The following CACNA1C variants were observed in gnomAD, a reference collection of about 807,000 sequenced individuals.
The protein encoded by CACNA1C is voltage-dependent L-type calcium channel subunit alpha-1C.
CACNA1C carries 30 observed loss-of-function variants against 229.0 expected under a neutral mutation model. The observed-to-expected ratio is 0.13, with a 90% confidence interval of 0.10 to 0.18. CACNA1C has a LOEUF of 0.18. Among genes scored for constraint, CACNA1C ranks in the 10% least tolerant of loss-of-function variants. CACNA1C has a pLI of 1.00. For synonymous variants in CACNA1C, 1,114 were observed against 1,132.5 expected (o/e 0.98, Z 0.33); for missense variants, 1,658 against 2,845.0 (o/e 0.58, Z 9.49).
At chr12:2,611,452 G>C (rs1431314490) in intron 28 of CACNA1C, among the ~76,000 whole-genome samples, 1 of 149,458 alleles carries the variant, frequency 6.7e-6, no homozygotes, top group East Asian at 2.0e-4. Context: ...GAGAAGGGAG[G>C]GGAGGAGATG....
intron 3 of CACNA1C, among the ~76,000 whole-genome samples, chr12:2,210,878 C>A (rs2097899695): frequency 6.6e-6 from 1 of 152,112 alleles, no homozygotes; most frequent in African/African-American, 2.4e-5. Context: ...TAACTCCTTT[C>A]CAATTGAATC....
intron 5 of CACNA1C, among the ~76,000 whole-genome samples, chr12:2,465,904 G>A (rs144315177): frequency 1.6e-4 from 25 of 152,144 alleles, no homozygotes; most frequent in Non-Finnish European, 2.8e-4. Flanking sequence ...TGTCCTGAGC[G>A]CCCTGCCAGA....
At position 2,605,624 on chromosome 12, in the gene CACNA1C, A is replaced by G; in HGVS notation, c.3049-55A>G. 7.5e-7 allele frequency: 1 copy of G among 1,330,686 alleles called. No homozygotes were observed. Among genetic ancestry groups the G allele is most frequent in the South Asian group, 1.2e-5 (1 of 84,820 alleles). The allele number at this position is 1,330,686 out of a possible 1,614,324, so 82.4% of individuals were successfully genotyped here. A position where few individuals can be genotyped will look rare whatever the true frequency, so the allele number is the denominator to read the frequency against. On this transcript the variant is annotated intron_variant, in intron 23 of 46. Transcript: ENST00000399655. This position sits in a 1 kb window ranked among gnomAD's most constrained non-coding sequence, Gnocchi z 6.2. ...GGGCTGCCCCTGCTACCTCCTGGAAAGGCTCCTGGCATCTCCTGAAGCCAC... is the reference window on the plus strand; with the variant it reads ...GGGCTGCCCCTGCTACCTCCTGGAAGGGCTCCTGGCATCTCCTGAAGCCAC...
intron 3 of CACNA1C, among the ~76,000 whole-genome samples, chr12:2,389,539 T>G (rs1490414317): frequency 1.3e-5 from 2 of 152,240 alleles, no homozygotes; most frequent in African/African-American, 4.8e-5. Context: ...GAGAGCATCC[T>G]TTTAATGTGA....
At chr12:2,235,100 C>T (rs2066821933) in intron 3 of CACNA1C, among the ~76,000 whole-genome samples, 1 of 152,192 alleles carries the variant, frequency 6.6e-6, no homozygotes, top group Non-Finnish European at 1.5e-5. Flanking sequence ...CTTCCATTTC[C>T]AGTGTCTCTA....
intron 18 of CACNA1C, among the ~76,000 whole-genome samples, chr12:2,589,104 A>G (rs2063912263): frequency 6.6e-6 from 1 of 152,128 alleles, no homozygotes. Flanking sequence ...GGAACCTTGT[A>G]GATATTCATG....
rs746344645 is a variant in CACNA1C at position 2,608,742 on chromosome 12, C to T, written c.3558+30C>T. On this transcript the variant is annotated intron_variant, in intron 27 of 46. Coordinates refer to ENST00000399655, the MANE Select transcript of CACNA1C (RefSeq NM_000719.7). This position sits in a 1 kb window ranked among gnomAD's most constrained non-coding sequence, Gnocchi z 4.2. ...CTTCCTAGGAAGGAGCGGAGGGAAG[C>T]GGGGCCCACGGAGGGAATGGCAGCC... 5.0e-6 allele frequency: 8 copies of T among 1,609,124 alleles called. No individual in the cohort carries two copies. Among genetic ancestry groups the T allele is most frequent in the South Asian group, 4.4e-5 (4 of 90,418 alleles).
chr12:2,595,886 G>C lies in CACNA1C; in HGVS notation c.2676G>C (p.Gln892His), dbSNP rs745733994. ...CTCTCCCGTACAGGTTTCGCCTCCA[G>C]TGCCACCGCATTGTCAATGACACGA... is the stretch of plus-strand genomic sequence containing the variant. ...IFSSNNRFRL[Q>H]CHRIVNDTIF... The change falls in exon 20 of 47, where the codon CAG becomes CAC. Residue 892 changes from glutamine (Q) to histidine (H), a missense_variant. Physicochemically the swap from Gln to His is conservative, Grantham distance 24. This residue lies in a region of CACNA1C where 52 missense variants were observed against 99.0 expected (regional missense o/e 0.53). Transcript: ENST00000399655. The surrounding 1 kb of genome is among the most constrained non-coding windows in gnomAD (Gnocchi z 4.1). 6.2e-7 allele frequency: 1 copy of C among 1,613,490 alleles called. No homozygotes were observed. The highest frequency in any genetic ancestry group is 1.1e-5 in the South Asian group (1 of 91,030).
At chr12:2,021,414 C>T (rs1250671604) in intron 1 of CACNA1C, among the ~76,000 whole-genome samples, 2 of 152,292 alleles carry the variant, frequency 1.3e-5, no homozygotes, top group African/African-American at 2.4e-5. Flanking sequence ...CACTATGGCT[C>T]ACACCTGTAA....
chr12:2,510,035 T>C (rs1373188450), intron 8 of CACNA1C, among the ~76,000 whole-genome samples: 1 of 152,218 alleles, frequency 6.6e-6, no homozygotes, highest in African/African-American at 2.4e-5. Context: ...CACCGCCCTG[T>C]GCATGCTTCA....
rs527752688 is a variant in CACNA1C at position 2,694,489 on chromosome 12, G to T, written c.*3290G>T. Reference sequence around the variant, plus strand: ...GCCTCTTTCATTTCCAGACCTTGGAGAATTTTTCCCAGCTTTGATTCAGAA... The same window carrying T: ...GCCTCTTTCATTTCCAGACCTTGGATAATTTTTCCCAGCTTTGATTCAGAA... On this transcript the variant is annotated 3_prime_UTR_variant, in exon 47 of 47. Transcript: ENST00000399655. 2.0e-5 allele frequency: 3 copies of T among 152,402 alleles called. No individual in the cohort carries two copies. Among genetic ancestry groups the T allele is most frequent in the South Asian group, 4.1e-4 (2 of 4,828 alleles). The allele number at this position is 152,402 out of a possible 1,614,324, so 9.4% of individuals were successfully genotyped here. A position where few individuals can be genotyped will look rare whatever the true frequency, so the allele number is the denominator to read the frequency against.
chr12:2,128,556 G>A (rs1295901728), intron 3 of CACNA1C, among the ~76,000 whole-genome samples: 3 of 152,056 alleles, frequency 2.0e-5, no homozygotes, highest in South Asian at 2.1e-4. Context: ...GACTACACGC[G>A]CTCAGCACCA....
At chr12:2,499,569 G>A (rs945932720) in intron 7 of CACNA1C, among the ~76,000 whole-genome samples, 15 of 152,174 alleles carry the variant, frequency 9.9e-5, no homozygotes, top group Admixed American at 3.3e-4. Context: ...ATTAGATGCT[G>A]GTTGCCGAAA....
chr12:2,264,733 T>C (rs975604451), intron 3 of CACNA1C, among the ~76,000 whole-genome samples: 3 of 152,202 alleles, frequency 2.0e-5, no homozygotes, highest in Non-Finnish European at 4.4e-5. Flanking sequence ...TGATGAAACA[T>C]GGACTCCCTT....
chr12:2,191,553 C>G (rs569764622), intron 3 of CACNA1C, among the ~76,000 whole-genome samples: 1 of 152,140 alleles, frequency 6.6e-6, no homozygotes, highest in Non-Finnish European at 1.5e-5. Context: ...TGGACACATT[C>G]ACTCACATGC....
chr12:2,193,231 G>C (rs1367348295), intron 3 of CACNA1C, among the ~76,000 whole-genome samples: 3 of 152,208 alleles, frequency 2.0e-5, no homozygotes, highest in Non-Finnish European at 4.4e-5. Context: ...GAGGCGGGTG[G>C]ATCACTTGAA....
chr12:2,030,283 G>A (rs1036461147), intron 1 of CACNA1C, among the ~76,000 whole-genome samples: 2 of 152,142 alleles, frequency 1.3e-5, no homozygotes, highest in African/African-American at 2.4e-5. Flanking sequence ...TGGATCCAAT[G>A]CTGAGGAATC....
At chr12:2,232,800 A>G (rs1366230944) in intron 3 of CACNA1C, among the ~76,000 whole-genome samples, 1 of 152,172 alleles carries the variant, frequency 6.6e-6, no homozygotes, top group African/African-American at 2.4e-5. Flanking sequence ...TTATACCAGT[A>G]TCATGTTTAT....
At chr12:1,994,588 T>C (rs530807716) in intron 1 of CACNA1C, among the ~76,000 whole-genome samples, 4 of 152,280 alleles carry the variant, frequency 2.6e-5, no homozygotes, top group Non-Finnish European at 4.4e-5. Context: ...AAGAGCTCTG[T>C]TAGGGGTCTT....
Sources: allele counts gnomAD v4.1 joint callset (sites outside exome capture counted in the v4.1 genomes callset), GRCh38; gene constraint gnomAD v4.1.1; regional missense constraint gnomAD v4.1.1; non-coding constraint Gnocchi (gnomAD v3.1); transcripts MANE v1.5; gene names NCBI Gene and HGNC (gene_info 2026-07-23, HGNC 2026-07-21).